The following RSU1 variants were observed in gnomAD, a reference collection of about 807,000 sequenced individuals.
The protein encoded by RSU1 is rsu-1.
Under a neutral mutation model 31.1 loss-of-function variants are expected in RSU1, and 26 were observed. That is an observed-to-expected ratio of 0.84 (90% CI 0.61 to 1.16). The LOEUF (loss-of-function observed/expected upper bound fraction) is 1.16. Ranked by LOEUF, RSU1 falls within the 50% of genes most tolerant of loss-of-function variation. The pLI is 0.00. For synonymous variants in RSU1, 164 were observed against 136.3 expected (o/e 1.20, Z -1.41); for missense variants, 320 against 339.1 (o/e 0.94, Z 0.44).
chr10:16,670,861 T>G (rs1329858060), intron 8 of RSU1, among the ~76,000 whole-genome samples: 1 of 152,042 alleles, frequency 6.6e-6, no homozygotes, highest in African/African-American at 2.4e-5. Context: ...ACCTCCCAGG[T>G]TCAAGTGATT....
intron 4 of RSU1, among the ~76,000 whole-genome samples, chr10:16,759,036 T>G (rs1837153436): frequency 6.6e-6 from 1 of 152,152 alleles, no homozygotes; most frequent in Non-Finnish European, 1.5e-5. Flanking sequence ...TCTTTTTTCC[T>G]TGTCTTCTAA....
intron 8 of RSU1, among the ~76,000 whole-genome samples, chr10:16,637,822 CA>C (rs397738474): frequency 1.6e-3 from 208 of 129,630 alleles, no homozygotes; most frequent in African/African-American, 2.5e-3. Context: ...TATGGATCCT[CA>C]AAAAAAAAAA....
intron 8 of RSU1, among the ~76,000 whole-genome samples, chr10:16,612,013 T>C (rs1163437201): frequency 6.6e-6 from 1 of 152,160 alleles, no homozygotes; most frequent in African/African-American, 2.4e-5. Flanking sequence ...GGACTGATAA[T>C]AATAGCACAT....
Position 16,755,421 on chromosome 10 carries a change from C to G in RSU1, c.282-432G>C, listed in dbSNP as rs190321683. 1.1e-3 allele frequency among the ~76,000 whole-genome samples: 161 copies of G among 150,480 alleles called. 2 individuals are homozygous for G. Among genetic ancestry groups the G allele is most frequent in the Admixed American group, 3.0e-3 (46 of 15,106 alleles). On this transcript the variant is annotated intron_variant, in intron 4 of 8. Transcript: ENST00000345264. ...TACAGGCGTGAGCCCCCATGCCCAT[C>G]CTTTTTTTTTTTTAATTAAAAAAAG...
intron 8 of RSU1, among the ~76,000 whole-genome samples, chr10:16,616,932 T>C (rs1833987790): frequency 6.6e-6 from 1 of 152,120 alleles, no homozygotes; most frequent in African/African-American, 2.4e-5. Flanking sequence ...CTTTGAAAAA[T>C]GGCACAAGAC....
intron 8 of RSU1, among the ~76,000 whole-genome samples, chr10:16,665,279 C>T (rs1255935032): frequency 6.6e-6 from 1 of 152,104 alleles, no homozygotes; most frequent in African/African-American, 2.4e-5. Context: ...TTATCTCATA[C>T]ACTCTTTCCT....
At chr10:16,709,076 T>C (rs1835964752) in intron 7 of RSU1, among the ~76,000 whole-genome samples, 1 of 151,778 alleles carries the variant, frequency 6.6e-6, no homozygotes, top group Non-Finnish European at 1.5e-5. Flanking sequence ...ACATGTGCCA[T>C]GCTGGTGTGT....
intron 2 of RSU1, among the ~76,000 whole-genome samples, chr10:16,786,203 T>C (rs756453150): frequency 2.6e-5 from 4 of 152,186 alleles, no homozygotes; most frequent in Admixed American, 6.5e-5. Flanking sequence ...GTCAAGAGCA[T>C]TGGTGCTGGG....
chr10:16,621,570 GT>G (rs1466524590), intron 8 of RSU1, among the ~76,000 whole-genome samples: 1 of 152,188 alleles, frequency 6.6e-6, no homozygotes, highest in Non-Finnish European at 1.5e-5. Context: ...GGAAAAAGAG[GT>G]TTAATGAACT....
intron 8 of RSU1, among the ~76,000 whole-genome samples, chr10:16,648,910 T>C (rs1405901450): frequency 6.6e-6 from 1 of 152,144 alleles, no homozygotes; most frequent in African/African-American, 2.4e-5. Context: ...ATAAAAGTCA[T>C]TAGCAGATGA....
intron 2 of RSU1, among the ~76,000 whole-genome samples, chr10:16,812,540 A>G (rs2131280637): frequency 6.6e-6 from 1 of 152,342 alleles, no homozygotes; most frequent in African/African-American, 2.4e-5. Flanking sequence ...TCCCCCAAAG[A>G]AGGTCGACAT....
chr10:16,606,720 A>G lies in RSU1; in HGVS notation c.732-13224T>C, dbSNP rs528651588. ...AGCACACATTGTCCTGTGGCTCTAG[A>G]GGTAGTGACATTACACAGATCTGGT... On this transcript the variant is annotated intron_variant, in intron 8 of 8. Coordinates refer to ENST00000345264, the MANE Select transcript of RSU1 (RefSeq NM_012425.4). Among the ~76,000 whole-genome samples the G allele has an allele frequency of 5.0e-4, 76 of 152,340 alleles. 1 individual carries two copies. Among genetic ancestry groups the G allele is most frequent in the African/African-American group, 1.8e-3 (75 of 41,578 alleles).
chr10:16,606,862 T>C (rs1382338915), intron 8 of RSU1, among the ~76,000 whole-genome samples: 2 of 152,182 alleles, frequency 1.3e-5, no homozygotes, highest in African/African-American at 4.8e-5. Context: ...ACCACTGATA[T>C]TCCTCCTCCT....
At chr10:16,609,930 C>T (rs1369343842) in intron 8 of RSU1, among the ~76,000 whole-genome samples, 1 of 152,070 alleles carries the variant, frequency 6.6e-6, no homozygotes, top group African/African-American at 2.4e-5. Context: ...TAGCGCTGTC[C>T]AAAATATAAT....
chr10:16,599,395 G>A (rs1344943562), intron 8 of RSU1, among the ~76,000 whole-genome samples: 1 of 152,152 alleles, frequency 6.6e-6, no homozygotes, highest in African/African-American at 2.4e-5. Flanking sequence ...TAGACAGCAT[G>A]TGCCCTCAGG....
intron 7 of RSU1, among the ~76,000 whole-genome samples, chr10:16,708,460 A>G (rs1447838658): frequency 6.6e-6 from 1 of 152,194 alleles, no homozygotes. Context: ...GAGCCTGCAC[A>G]GTTTAAATCT....
intron 3 of RSU1, among the ~76,000 whole-genome samples, chr10:16,778,956 C>T (rs74128276): frequency 0.048 from 7,358 of 152,290 alleles, 587 homozygotes; most frequent in African/African-American, 0.17. Context: ...CAATCTGAAA[C>T]TCTTCCCATT....
intron 7 of RSU1, among the ~76,000 whole-genome samples, chr10:16,741,089 T>G (rs1836741129): frequency 6.6e-6 from 1 of 152,216 alleles, no homozygotes; most frequent in Non-Finnish European, 1.5e-5. Context: ...CTAAAGATAG[T>G]GTGGTACTCG....
chr10:16,806,993 G>A (rs1320687045), intron 2 of RSU1, among the ~76,000 whole-genome samples: 3 of 152,162 alleles, frequency 2.0e-5, no homozygotes, highest in Non-Finnish European at 4.4e-5. Context: ...ACCTCACTCA[G>A]GTGACCCACC....
Sources: allele counts gnomAD v4.1 joint callset (sites outside exome capture counted in the v4.1 genomes callset), GRCh38; gene constraint gnomAD v4.1.1; transcripts MANE v1.5; gene names NCBI Gene and HGNC (gene_info 2026-07-23, HGNC 2026-07-21).